The following EDA2R variants were observed in gnomAD, a reference collection of about 807,000 sequenced individuals.
The protein encoded by EDA2R is ectodysplasin A2 receptor, also known as tumor necrosis factor receptor superfamily member 27.
EDA2R carries 26 observed loss-of-function variants against 20.1 expected under a neutral mutation model. The observed-to-expected ratio is 1.30, with a 90% CI of 0.95 to 1.80. The LOEUF is 1.80. Among genes scored for constraint, EDA2R ranks in the 40% most tolerant of loss-of-function variants. The probability of loss-of-function intolerance (pLI) is 0.00; values close to 1 mark genes in which losing one functional copy is unlikely to be tolerated. For missense variants in EDA2R, 277 were observed against 228.7 expected (o/e 1.21, Z -1.36); for synonymous variants, 114 against 88.7 (o/e 1.29, Z -1.60).
rs1158296927 is a variant in EDA2R at position 66,605,126 on chromosome X, G to T, written c.188C>A (p.Thr63Asn). The T allele has an allele frequency of 1.3e-5, 16 of 1,209,671 alleles. No homozygotes were observed. Among genetic ancestry groups the T allele is most frequent in the Non-Finnish European group, 1.8e-5 (16 of 894,408 alleles). The stretch of plus-strand genomic sequence containing the variant: ...CTGAACACGATTGATGACAGCACAG[G>T]TGATGCAACTCTGACATCTGTGGTG... ...WGHHRCQSCI[T>N]CAVINRVQKV... Residue 63 changes from threonine (T) to asparagine (N), a missense_variant, in exon 3 of 7, where the codon ACC becomes AAC. Thr to Asn is a moderately conservative substitution (Grantham distance 65). Coordinates refer to ENST00000374719, the MANE Select transcript of EDA2R (RefSeq NM_021783.5).
chrX:66,626,303 A>G (rs911047133), intron 1 of EDA2R, among the ~76,000 whole-genome samples: 2 of 112,065 alleles, frequency 1.8e-5, no homozygotes, highest in African/African-American at 6.5e-5. Context: ...TCAAGGAAAT[A>G]GATACCATAA....
intron 1 of EDA2R, among the ~76,000 whole-genome samples, chrX:66,626,905 T>G (rs1032672870): frequency 1.8e-5 from 2 of 108,976 alleles, no homozygotes; most frequent in Non-Finnish European, 3.8e-5. Flanking sequence ...ACCCATCAGA[T>G]TAACAGCAAA....
rs1394653673 is a variant in EDA2R, at chrX:66,597,140, T to C, written c.*964A>G. On this transcript the variant is annotated 3_prime_UTR_variant, in exon 7 of 7. Transcript: ENST00000374719. Reference sequence around the variant, plus strand: ...ATAGTTGTGGGACAGGAACTAGCTGTACAAGTTTCAGACAGATTCTTGGAG... The same window carrying C: ...ATAGTTGTGGGACAGGAACTAGCTGCACAAGTTTCAGACAGATTCTTGGAG... 1 of 113,192 alleles carries C rather than the reference T, an allele frequency of 8.8e-6. No individual in the cohort carries two copies. Among genetic ancestry groups the C allele is most frequent in the Non-Finnish European group, 1.9e-5 (1 of 53,461 alleles). 9.3% of individuals were successfully genotyped at this position (113,192 alleles called of 1,213,427 possible).
intron 1 of EDA2R, among the ~76,000 whole-genome samples, chrX:66,632,936 G>C (rs746774564): frequency 6.0e-4 from 67 of 112,010 alleles, no homozygotes; most frequent in African/African-American, 2.2e-3. Context: ...GTCAGGAATA[G>C]TATATCAACA....
intron 5 of EDA2R, chrX:66,600,175 G>A (rs1459445732): frequency 5.2e-5 from 38 of 732,231 alleles, no homozygotes; most frequent in Non-Finnish European, 1.2e-5. Flanking sequence ...CTGGTCTTAT[G>A]TCTATGTACA....
At chrX:66,635,396 C>T (rs780548767) in intron 1 of EDA2R, among the ~76,000 whole-genome samples, 5 of 112,083 alleles carry the variant, frequency 4.5e-5, no homozygotes, top group African/African-American at 6.5e-5. Flanking sequence ...AGAGAATACA[C>T]GGGTGGAGCT....
intron 1 of EDA2R, among the ~76,000 whole-genome samples, chrX:66,621,029 C>G (rs779161408): frequency 9.4e-6 from 1 of 106,919 alleles, no homozygotes; most frequent in East Asian, 2.9e-4. Context: ...GTAATCCCAG[C>G]ACTTTGGGAG....
intron 1 of EDA2R, among the ~76,000 whole-genome samples, chrX:66,618,693 T>G (rs1214123609): frequency 2.7e-5 from 3 of 112,140 alleles, no homozygotes; most frequent in Non-Finnish European, 5.6e-5. Context: ...CTTATCAACA[T>G]GCTACATTCC....
At chrX:66,603,210 A>C (rs1338277809) in intron 4 of EDA2R, among the ~76,000 whole-genome samples, 3 of 111,964 alleles carry the variant, frequency 2.7e-5, no homozygotes, top group African/African-American at 9.8e-5. Context: ...AGGGGGAAAA[A>C]GGAAGTTGGA....
intron 1 of EDA2R, among the ~76,000 whole-genome samples, chrX:66,636,964 A>ACC (rs1257211723): frequency 1.8e-5 from 2 of 109,355 alleles, no homozygotes; most frequent in East Asian, 2.9e-4. Context: ...ACACACACAC[A>ACC]CACCCCACAT....
In EDA2R at chrX:66,616,036, G is replaced by C. The variant is rs761062610; in HGVS notation, c.-10-6C>G. 7 of 1,166,248 alleles carry C rather than the reference G, an allele frequency of 6.0e-6. No homozygotes were observed. In the African/African-American group the frequency reaches 1.2e-4, roughly 21 times the overall value. ...GGCAATCCATGGTGGGAAGGCTGTGGGTAGAGAACACAAGAACTAGCAAGC... is the reference window on the plus strand; with the variant it reads ...GGCAATCCATGGTGGGAAGGCTGTGCGTAGAGAACACAAGAACTAGCAAGC... On this transcript the variant is annotated splice_region_variant and splice_polypyrimidine_tract_variant and intron_variant, in intron 1 of 6. Transcript: ENST00000374719.
At chrX:66,621,645 G>A (rs1334753056) in intron 1 of EDA2R, among the ~76,000 whole-genome samples, 1 of 112,301 alleles carries the variant, frequency 8.9e-6, no homozygotes, top group African/African-American at 3.2e-5. Context: ...AAAGAAGCTA[G>A]ACACAAAAGG....
At chrX:66,625,294 T>C (rs768756794) in intron 1 of EDA2R, among the ~76,000 whole-genome samples, 74 of 111,087 alleles carry the variant, frequency 6.7e-4, no homozygotes, top group African/African-American at 1.9e-3. Context: ...TACTCACCCA[T>C]TGCCTGGAAA....
intron 5 of EDA2R, among the ~76,000 whole-genome samples, chrX:66,601,873 C>T (rs1338921059): frequency 9.0e-6 from 1 of 111,387 alleles, no homozygotes; most frequent in African/African-American, 3.3e-5. Context: ...CTTTTCTGTC[C>T]CACATTCTTG....
At chrX:66,612,408 A>T (rs1363388682) in intron 2 of EDA2R, among the ~76,000 whole-genome samples, 2 of 112,054 alleles carry the variant, frequency 1.8e-5, no homozygotes, top group Non-Finnish European at 3.8e-5. Context: ...GGGAAAGTAA[A>T]GGAATCTAAA....
In EDA2R at chrX:66,596,112, A is replaced by G. The variant is rs775397437; in HGVS notation, c.*1992T>C. On this transcript the variant is annotated 3_prime_UTR_variant, in exon 7 of 7. Transcript: ENST00000374719. ...ATTTTTTTTTTTTGCTAGTTCATTT[A>G]GAGACAACTTAACTGCTGTTTAGGC... is the stretch of plus-strand genomic sequence containing the variant. 7 of 108,109 alleles carry G rather than the reference A, an allele frequency of 6.5e-5. No individual in the cohort carries two copies. Among genetic ancestry groups the G allele is most frequent in the Non-Finnish European group, 1.3e-4 (7 of 52,338 alleles). 8.9% of individuals were successfully genotyped at this position (108,109 alleles called of 1,213,427 possible). A position where few individuals can be genotyped will look rare whatever the true frequency, so the allele number is the denominator to read the frequency against.
chrX:66,608,435 A>T (rs1231520460), intron 2 of EDA2R, among the ~76,000 whole-genome samples: 3 of 111,927 alleles, frequency 2.7e-5, no homozygotes, highest in East Asian at 2.8e-4. Flanking sequence ...AAGAGAAAAT[A>T]TTGAAAATCA....
chrX:66,630,273 T>A (rs1933602750), intron 1 of EDA2R, among the ~76,000 whole-genome samples: 1 of 111,725 alleles, frequency 9.0e-6, no homozygotes. Context: ...TTCGAGACAT[T>A]GGCTTAGGCA....
At chrX:66,635,702 G>A (rs1344354729) in intron 1 of EDA2R, among the ~76,000 whole-genome samples, 1 of 111,871 alleles carries the variant, frequency 8.9e-6, no homozygotes, top group African/African-American at 3.3e-5. Flanking sequence ...TGAACTTGGA[G>A]TAAGAAAAAT....
Sources: allele counts gnomAD v4.1 joint callset (sites outside exome capture counted in the v4.1 genomes callset), GRCh38; gene constraint gnomAD v4.1.1; transcripts MANE v1.5; gene names NCBI Gene and HGNC (gene_info 2026-07-23, HGNC 2026-07-21).